RYR2: variants seen among roughly 807,000 people sequenced by gnomAD.
RYR2 encodes cardiac muscle ryanodine receptor-calcium release channel.
Under a neutral mutation model 601.1 loss-of-function variants are expected in RYR2, and 227 were observed. The ratio of observed to expected loss-of-function variants is 0.38; its 90% CI spans 0.34 to 0.42. The LOEUF is 0.42. Among genes scored for constraint, RYR2 ranks in the 10% least tolerant of loss-of-function variants. RYR2 has a pLI of 1.00. For missense variants in RYR2, 4,646 were observed against 6,156.5 expected (o/e 0.75, Z 8.21); for synonymous variants, 2,223 against 2,175.1 (o/e 1.02, Z -0.61).
Position 237,784,632 on chromosome 1 carries a change from G to T in RYR2, c.12920G>T (p.Arg4307Leu). Residue 4307 changes from arginine to leucine, a missense_variant, in exon 90 of 105, where the codon CGC becomes CTC. Physicochemically the swap from Arg to Leu is moderately radical, Grantham distance 102 (BLOSUM62 -2). Coordinates refer to ENST00000366574, the MANE Select transcript of RYR2 (RefSeq NM_001035.3). This position sits in a 1 kb window ranked among gnomAD's most constrained non-coding sequence, Gnocchi z 7.1. ...GCCAGCGTTTTCAGAGGCTTTTTCC[G>T]CATCATTTGCAGCCTGCTGCTTGGG... ...FVASVFRGFF[R>L]IICSLLLGGS... 1 of 1,613,628 alleles carries T rather than the reference G, an allele frequency of 6.2e-7. No individual in the cohort carries two copies. The highest frequency in any genetic ancestry group is 8.5e-7 in the Non-Finnish European group (1 of 1,179,758).
At chr1:237,639,329 T>C in intron 46 of RYR2, 128 bp downstream of exon 46, 1 of 922,130 alleles carries the variant, frequency 1.1e-6, no homozygotes, top group South Asian at 2.5e-5. Context: ...TTTGAAAATA[T>C]AATGTCTTAG....
intron 87 of RYR2, among the ~76,000 whole-genome samples, chr1:237,775,559 T>G (rs997562380): frequency 2.6e-5 from 4 of 152,206 alleles, no homozygotes; most frequent in Non-Finnish European, 4.4e-5. Flanking sequence ...TATTGCTTTA[T>G]TATTCAAACT....
chr1:237,122,764 A>G (rs545194646), intron 1 of RYR2, among the ~76,000 whole-genome samples: 1 of 152,344 alleles, frequency 6.6e-6, no homozygotes, highest in Admixed American at 6.5e-5. Context: ...GCAGTTAACT[A>G]ACTTCCTTTT....
chr1:237,174,592 T>A (rs1677802878), intron 1 of RYR2, among the ~76,000 whole-genome samples: 2 of 152,148 alleles, frequency 1.3e-5, no homozygotes, highest in African/African-American at 2.4e-5. Flanking sequence ...CTCAATGGAG[T>A]GAGTGGCCAT....
intron 1 of RYR2, among the ~76,000 whole-genome samples, chr1:237,135,619 G>A (rs1672688020): frequency 6.7e-6 from 1 of 149,822 alleles, no homozygotes; most frequent in South Asian, 2.1e-4. Context: ...CTTGTGATCC[G>A]CTCGCCTCAG....
intron 62 of RYR2, among the ~76,000 whole-genome samples, chr1:237,683,646 A>G (rs1173332581): frequency 1.3e-5 from 2 of 152,172 alleles, no homozygotes; most frequent in African/African-American, 4.8e-5. Flanking sequence ...ATGGATATTA[A>G]CTGTCAGAAT....
At chr1:237,228,167 T>G (rs1315120309) in intron 1 of RYR2, among the ~76,000 whole-genome samples, 1 of 152,164 alleles carries the variant, frequency 6.6e-6, no homozygotes, top group East Asian at 1.9e-4. Flanking sequence ...CATTGTGTCA[T>G]TCTTATCCCT....
chr1:237,139,236 A>G (rs1361016330), intron 1 of RYR2, among the ~76,000 whole-genome samples: 3 of 152,218 alleles, frequency 2.0e-5, no homozygotes, highest in African/African-American at 7.2e-5. Flanking sequence ...TACCACATGG[A>G]TGAGTCTTGA....
chr1:237,261,945 T>TAA (rs1688568827), intron 1 of RYR2, among the ~76,000 whole-genome samples: 2 of 152,220 alleles, frequency 1.3e-5, no homozygotes, highest in Admixed American at 6.5e-5. Context: ...ATTTGTCCTC[T>TAA]TCTCTTGCTA....
At position 237,064,751 on chromosome 1, in the gene RYR2, C is replaced by CTTTTTTTTTTTTTTTTTTTTTTTTTTTTT. The variant is rs551797601; in HGVS notation, c.48+22185_48+22213dup. ...GTTTTTTGTTTTTACTAGAACCTGT[C>CTTTTTTTTTTTTTTTTTTTTTTTTTTTTT]TTTTTTTTTTTTTTTTTTTTTTTTT... On this transcript the variant is annotated intron_variant, in intron 1 of 104. Coordinates refer to ENST00000366574, the MANE Select transcript of RYR2 (RefSeq NM_001035.3). Among the ~76,000 whole-genome samples the CTTTTTTTTTTTTTTTTTTTTTTTTTTTTT allele has an allele frequency of 2.7e-5, 3 of 110,010 alleles. 1 individual carries two copies. Among genetic ancestry groups the CTTTTTTTTTTTTTTTTTTTTTTTTTTTTT allele is most frequent in the African/African-American group, 1.2e-4 (3 of 24,854 alleles). 72.2% of individuals were successfully genotyped at this position (110,010 alleles called of 152,430 possible). A position where few individuals can be genotyped will look rare whatever the true frequency, so the allele number is the denominator to read the frequency against.
chr1:237,538,631 G>A lies in RYR2; in HGVS notation c.2906+8121G>A, dbSNP rs184958106. 7.4e-4 allele frequency among the ~76,000 whole-genome samples: 112 copies of A among 151,610 alleles called. 1 individual carries two copies. The highest frequency in any genetic ancestry group is 2.6e-3 in the African/African-American group (107 of 41,306). On this transcript the variant is annotated intron_variant, in intron 25 of 104. Transcript: ENST00000366574. ...TACTAAAAATACAAAAATTAGCTGG[G>A]CGTGGTGGCACAACCTGTAATCCCG...
intron 80 of RYR2, among the ~76,000 whole-genome samples, chr1:237,749,739 G>A (rs1382590081): frequency 6.6e-6 from 1 of 152,134 alleles, no homozygotes; most frequent in Non-Finnish European, 1.5e-5. Flanking sequence ...AATTGCATAA[G>A]TATTGATGAA....
At chr1:237,194,350 C>G (rs1257954992) in intron 1 of RYR2, among the ~76,000 whole-genome samples, 3 of 152,078 alleles carry the variant, frequency 2.0e-5, no homozygotes. Flanking sequence ...TATTTATAAC[C>G]CCTTTGTTGG....
intron 17 of RYR2, among the ~76,000 whole-genome samples, chr1:237,478,535 T>A (rs1448802140): frequency 6.6e-6 from 1 of 152,228 alleles, no homozygotes; most frequent in Non-Finnish European, 1.5e-5. Context: ...GGTTTTCCCA[T>A]GTTCACACTG....
chr1:237,579,248 CTTTTTTTT>C (rs546960253), intron 29 of RYR2, among the ~76,000 whole-genome samples: 2 of 68,106 alleles, frequency 2.9e-5, no homozygotes, highest in African/African-American at 9.8e-5. Flanking sequence ...TCTTCTTCTT[CTTTTTTTT>C]TTTTTTTTTT....
rs1491092540 is a variant in RYR2 at position 237,436,453 on chromosome 1, C to CATTTTTTTTTTTTTTT, written c.1006-4866_1006-4865insATTTTTTTTTTTTTTT. Among the ~76,000 whole-genome samples, 12 of 55,838 alleles carry CATTTTTTTTTTTTTTT rather than the reference C, an allele frequency of 2.1e-4. 1 individual carries two copies. Among genetic ancestry groups the CATTTTTTTTTTTTTTT allele is most frequent in the Non-Finnish European group, 3.4e-4 (11 of 32,042 alleles). 36.6% of individuals were successfully genotyped at this position (55,838 alleles called of 152,430 possible). On this transcript the variant is annotated intron_variant, in intron 12 of 104. Transcript: ENST00000366574. ...AAGCCGAGGGATAATGTGTGATTTT[C>CATTTTTTTTTTTTTTT]CTTTTTTTTTTTTTTTTTTTTTTTT... is the stretch of plus-strand genomic sequence containing the variant.
chr1:237,159,663 TGTACC>T (rs2148854635), intron 1 of RYR2, among the ~76,000 whole-genome samples: 1 of 152,302 alleles, frequency 6.6e-6, no homozygotes, highest in South Asian at 2.1e-4. Flanking sequence ...TGACCCTGCC[TGTACC>T]ACAACTACTA....
chr1:237,608,224 C>A (rs965694471), intron 35 of RYR2, among the ~76,000 whole-genome samples: 2 of 152,078 alleles, frequency 1.3e-5, no homozygotes, highest in African/African-American at 4.8e-5. Flanking sequence ...GCAGAACTCT[C>A]AAGAATGTTG....
At chr1:237,471,787 A>T (rs1293744055) in intron 17 of RYR2, among the ~76,000 whole-genome samples, 1 of 152,210 alleles carries the variant, frequency 6.6e-6, no homozygotes, top group Non-Finnish European at 1.5e-5. Context: ...CAATCTGTTG[A>T]TTGCAGGCAT....
Sources: gnomAD v4.1 joint callset for allele counts (sites outside exome capture counted in the v4.1 genomes callset) on GRCh38, gnomAD v4.1.1 for gene constraint, Gnocchi (gnomAD v3.1) non-coding constraint, MANE v1.5 for transcripts, NCBI Gene and HGNC (gene_info 2026-07-23, HGNC 2026-07-21) for gene names.